The following BAZ1B variants were observed in gnomAD, a reference collection of about 807,000 sequenced individuals.
BAZ1B encodes the protein bromodomain adjacent to zinc finger domain 1B, also known as tyrosine-protein kinase BAZ1B.
Under a neutral mutation model 153.8 loss-of-function variants are expected in BAZ1B, and 22 were observed. The ratio of observed to expected loss-of-function variants is 0.14; its 90% CI spans 0.10 to 0.20. The LOEUF (loss-of-function observed/expected upper bound fraction) is 0.20, where lower values mean the gene tolerates loss of function less well. Ranked by LOEUF, BAZ1B falls within the 10% of genes least tolerant of loss-of-function variation. The pLI is 1.00. For synonymous variants in BAZ1B, 676 were observed against 633.4 expected (o/e 1.07, Z -1.01); for missense variants, 1,325 against 1,799.3 (o/e 0.74, Z 4.77).
intron 12 of BAZ1B, among the ~76,000 whole-genome samples, chr7:73,460,905 G>A (rs1324432017): frequency 6.6e-6 from 1 of 151,926 alleles, no homozygotes; most frequent in Non-Finnish European, 1.5e-5. Flanking sequence ...GCTATGATCT[G>A]TGAATAGCCA....
chr7:73,459,041 G>A (rs1554569944), intron 13 of BAZ1B, among the ~76,000 whole-genome samples: 1 of 152,094 alleles, frequency 6.6e-6, no homozygotes, highest in African/African-American at 2.4e-5. Context: ...AAGGTCAAGA[G>A]ATCGAGACCA....
At chr7:73,443,228 T>C (rs2116211646) in intron 17 of BAZ1B, among the ~76,000 whole-genome samples, 1 of 152,292 alleles carries the variant, frequency 6.6e-6, no homozygotes, top group Non-Finnish European at 1.5e-5. Flanking sequence ...AAACATGCTA[T>C]CTGGGCCAAC....
intron 8 of BAZ1B, 59 bp downstream of exon 8, chr7:73,470,286 C>T: frequency 6.7e-7 from 1 of 1,488,200 alleles, no homozygotes; most frequent in Admixed American, 2.3e-5. Context: ...GAAAATTTTC[C>T]TAACTAATAG....
intron 15 of BAZ1B, among the ~76,000 whole-genome samples, chr7:73,449,019 G>A (rs993594541): frequency 1.3e-5 from 2 of 152,158 alleles, no homozygotes; most frequent in Non-Finnish European, 2.9e-5. Flanking sequence ...AATGATAGCG[G>A]AGACCACGGA....
intron 5 of BAZ1B, among the ~76,000 whole-genome samples, chr7:73,489,756 G>A (rs1789562476): frequency 6.6e-6 from 1 of 152,176 alleles, no homozygotes; most frequent in Non-Finnish European, 1.5e-5. Flanking sequence ...TCACACCAAT[G>A]CACTCTAGCC....
intron 2 of BAZ1B, among the ~76,000 whole-genome samples, chr7:73,509,369 G>A (rs138512170): frequency 6.6e-6 from 1 of 152,074 alleles, no homozygotes; most frequent in East Asian, 1.9e-4. Context: ...ACGAGTTTTA[G>A]GTTCACAGCA....
intron 4 of BAZ1B, among the ~76,000 whole-genome samples, chr7:73,496,679 T>A (rs1263105299): frequency 6.6e-6 from 1 of 152,102 alleles, no homozygotes; most frequent in Non-Finnish European, 1.5e-5. Flanking sequence ...AAAAACATTA[T>A]TGTTAGAGTC....
intron 17 of BAZ1B, 22 bp from the exon 18 acceptor site, chr7:73,442,850 T>C (rs1345291613): frequency 5.1e-6 from 8 of 1,570,396 alleles, no homozygotes; most frequent in Admixed American, 1.7e-5. Context: ...GAAAGAACAA[T>C]GTTATTACAG....
chr7:73,471,132 C>G (rs1554571945), intron 7 of BAZ1B, among the ~76,000 whole-genome samples: 1 of 152,174 alleles, frequency 6.6e-6, no homozygotes, highest in African/African-American at 2.4e-5. Context: ...GGTGCACCTA[C>G]AGGATCCTCA....
rs782479876 is a variant in BAZ1B at position 73,508,233 on chromosome 7, A to T, written c.369+94T>A. ...AACATTAAATATAATACTAAATATA[A>T]CACAGTTTTACACACATAGAAATGT... On this transcript the variant is annotated intron_variant, in intron 3 of 19. Transcript: ENST00000339594. 31 of 1,285,762 alleles carry T rather than the reference A, an allele frequency of 2.4e-5. No individual in the cohort carries two copies. The Middle Eastern group carries it at 1.6e-3, about 65-fold the overall frequency. The allele number at this position is 1,285,762 out of a possible 1,614,324, so 79.6% of individuals were successfully genotyped here. A position where few individuals can be genotyped will look rare whatever the true frequency, so the allele number is the denominator to read the frequency against.
At chr7:73,460,192 GAAAAAAA>G (rs782211272) in intron 12 of BAZ1B, among the ~76,000 whole-genome samples, 46 of 73,872 alleles carry the variant, frequency 6.2e-4, no homozygotes, top group African/African-American at 1.1e-3. Context: ...CCGTCTCAGG[GAAAAAAA>G]AAAAAAAAAA....
At chr7:73,467,258 C>CGTAT (rs1788626759) in intron 9 of BAZ1B, among the ~76,000 whole-genome samples, 2 of 152,116 alleles carry the variant, frequency 1.3e-5, no homozygotes, top group Non-Finnish European at 2.9e-5. Flanking sequence ...GAAGCCTTAC[C>CGTAT]TCATACTATG....
chr7:73,462,537 T>C (rs778761574), intron 12 of BAZ1B: 6 of 249,400 alleles, frequency 2.4e-5, no homozygotes, highest in Non-Finnish European at 4.7e-5. Flanking sequence ...AATAGAAATC[T>C]GAGCTGACTG....
At chr7:73,472,428 T>C (rs1436424831) in intron 7 of BAZ1B, among the ~76,000 whole-genome samples, 1 of 151,766 alleles carries the variant, frequency 6.6e-6, no homozygotes, top group African/African-American at 2.4e-5. Flanking sequence ...CCGGCTAATT[T>C]TGTATTTTTA....
At chr7:73,513,364 G>A (rs1790662563) in intron 1 of BAZ1B, among the ~76,000 whole-genome samples, 1 of 152,166 alleles carries the variant, frequency 6.6e-6, no homozygotes, top group Non-Finnish European at 1.5e-5. Context: ...AATAGTATAA[G>A]CACCTTTGCT....
Position 73,477,726 on chromosome 7 carries a change from G to A in BAZ1B, c.1735C>T (p.Arg579Trp), listed in dbSNP as rs781960879. The part of the protein sequence containing the change: ...EMLERLEKQK[R>W]YEDQELTGKN... ...CCAGTTAACTCTTGGTCCTCATACC[G>A]CTTCTGTTTTTCTAATCTCTCAAGC... Residue 579 changes from arginine to tryptophan, a missense_variant, in exon 7 of 20, where the codon CGG becomes TGG. By Grantham distance (101) the Arg-to-Trp change is moderately radical. Coordinates refer to ENST00000339594, the MANE Select transcript of BAZ1B (RefSeq NM_032408.4). This position sits in a 1 kb window ranked among gnomAD's most constrained non-coding sequence, Gnocchi z 5.6. 6.2e-7 allele frequency: 1 copy of A among 1,614,130 alleles called. No individual in the cohort carries two copies. The highest frequency in any genetic ancestry group is 8.5e-7 in the Non-Finnish European group (1 of 1,180,026).
chr7:73,512,462 A>G (rs891583334), intron 1 of BAZ1B, among the ~76,000 whole-genome samples: 4 of 152,192 alleles, frequency 2.6e-5, no homozygotes, highest in Non-Finnish European at 5.9e-5. Context: ...TTTTGATATA[A>G]TATTTATCCA....
At chr7:73,489,762 T>TA (rs2116380122) in intron 5 of BAZ1B, among the ~76,000 whole-genome samples, 1 of 152,290 alleles carries the variant, frequency 6.6e-6, no homozygotes, top group African/African-American at 2.4e-5. Flanking sequence ...CAATGCACTC[T>TA]AGCCTGGGCA....
chr7:73,447,420 C>T (rs782032366), intron 15 of BAZ1B, 41 bp from the exon 16 acceptor site: 6 of 1,575,796 alleles, frequency 3.8e-6, no homozygotes, highest in Non-Finnish European at 2.6e-6. Flanking sequence ...CAGTTTTAGC[C>T]CAAAGTGGTC....
Sources: allele counts gnomAD v4.1 joint callset (sites outside exome capture counted in the v4.1 genomes callset), GRCh38; gene constraint gnomAD v4.1.1; non-coding constraint Gnocchi (gnomAD v3.1); transcripts MANE v1.5; gene names NCBI Gene and HGNC (gene_info 2026-07-23, HGNC 2026-07-21).